EXOC3L2: variants seen among roughly 807,000 people sequenced by gnomAD.
The protein encoded by EXOC3L2 is exocyst complex component 3-like protein 2.
EXOC3L2 carries 17 observed loss-of-function variants against 44.4 expected under a neutral mutation model. That is an observed-to-expected ratio of 0.38 (90% confidence interval 0.26 to 0.57). The LOEUF is 0.57. Among genes scored for constraint, EXOC3L2 ranks in the 20% least tolerant of loss-of-function variants. EXOC3L2 has a pLI of 0.65. For synonymous variants in EXOC3L2, 256 were observed against 253.7 expected (o/e 1.01, Z -0.09); for missense variants, 541 against 588.4 (o/e 0.92, Z 0.83).
chr19:45,222,354 C>T (rs551915510), intron 8 of EXOC3L2, among the ~76,000 whole-genome samples: 1 of 152,234 alleles, frequency 6.6e-6, no homozygotes, highest in African/African-American at 2.4e-5. Context: ...CGCTTGCCAC[C>T]ACGCCTGGCT....
In EXOC3L2 at chr19:45,212,778, G is replaced by C. The variant is rs966307569; in HGVS notation, c.*291C>G. On this transcript the variant is annotated 3_prime_UTR_variant, in exon 12 of 12. Transcript: ENST00000413988. ...CCCAGCTAATTTTTTATTTTTTGTA[G>C]AGATAGGGGGCAGGTCTCACTATGT... 3.1e-6 allele frequency: 1 copy of C among 320,790 alleles called. No homozygotes were observed. Among genetic ancestry groups the C allele is most frequent in the African/African-American group, 2.2e-5 (1 of 46,040 alleles). The allele number at this position is 320,790 out of a possible 1,614,324, so 19.9% of individuals were successfully genotyped here. A position where few individuals can be genotyped will look rare whatever the true frequency, so the allele number is the denominator to read the frequency against.
chr19:45,216,303 T>C, intron 10 of EXOC3L2, 109 bp from the exon 11 acceptor site: 1 of 1,433,726 alleles, frequency 7.0e-7, no homozygotes, highest in Non-Finnish European at 9.3e-7. Context: ...AAACCAGGGG[T>C]GGTGGCTCAA....
intron 8 of EXOC3L2, among the ~76,000 whole-genome samples, chr19:45,219,750 T>C (rs1395420683): frequency 6.6e-6 from 1 of 152,224 alleles, no homozygotes; most frequent in African/African-American, 2.4e-5. Context: ...TTGCTGATTT[T>C]GGGGGGAAGT....
chr19:45,224,247 G>A (rs1017820978), intron 8 of EXOC3L2, among the ~76,000 whole-genome samples: 14 of 152,160 alleles, frequency 9.2e-5, no homozygotes, highest in Admixed American at 8.5e-4. Flanking sequence ...ATTGTGCCGG[G>A]TTGTGGGGGC....
At position 45,231,855 on chromosome 19, in the gene EXOC3L2, C is replaced by T; in HGVS notation, c.1177G>A (p.Asp393Asn). ...VYPREVLGLVDMAALENGELG... is the reference protein window; with the variant it reads ...VYPREVLGLVNMAALENGELG... ...TCCCCATTCTCCAGGGCGGCCATGT[C>T]CACCAGCCCTAGGACCTCTCTGGGG... Residue 393 changes from aspartate to asparagine, a missense_variant, in exon 4 of 12, where the codon GAC becomes AAC. Physicochemically the swap from Asp to Asn is conservative, Grantham distance 23 (BLOSUM62 1). Transcript: ENST00000413988. 6.2e-7 allele frequency: 1 copy of T among 1,607,712 alleles called. No individual in the cohort carries two copies. The highest frequency in any genetic ancestry group is 8.5e-7 in the Non-Finnish European group (1 of 1,174,992).
Position 45,228,181 on chromosome 19 carries a change from G to A in EXOC3L2, c.1355C>T (p.Ala452Val). ...ACCTCCTACCTCACACACATCCTGG[G>A]CCAGGCTGCTGGGCTGGTCCTCCAG... ...GSLEDQPSSL[A>V]QDVCELLEEH... Residue 452 changes from alanine to valine, a missense_variant, in exon 5 of 12, where the codon GCC becomes GTC. By Grantham distance (64) the Ala-to-Val change is moderately conservative. Transcript: ENST00000413988. 6.2e-7 allele frequency: 1 copy of A among 1,614,090 alleles called. No homozygotes were observed. Among genetic ancestry groups the A allele is most frequent in the Non-Finnish European group, 8.5e-7 (1 of 1,180,010 alleles).
Position 45,240,120 on chromosome 19 carries a change from T to C in EXOC3L2, c.-16-1059A>G, listed in dbSNP as rs1485265919. ...AAGCCTAATTTTTTTTTTTTTTTTT[T>C]TTGAGACTGGGACTCACCCTGTCAC... On this transcript the variant is annotated intron_variant, in intron 1 of 11. Transcript: ENST00000413988. 2.0e-5 allele frequency among the ~76,000 whole-genome samples: 3 copies of C among 150,046 alleles called. No individual in the cohort carries two copies. The East Asian group carries it at 5.9e-4, about 30-fold the overall frequency.
chr19:45,237,146 T>C (rs1177281743), intron 2 of EXOC3L2, among the ~76,000 whole-genome samples: 3 of 151,810 alleles, frequency 2.0e-5, no homozygotes, highest in African/African-American at 7.3e-5. Flanking sequence ...GAATGGGATA[T>C]GAAACGGGGC....
chr19:45,213,080 C>A lies in EXOC3L2; in HGVS notation c.2398G>T (p.Ala800Ser). ...CGGTTGGGTGACCCTCAGCGCTGGGCCCGAGGTCGCGCTAGAGACGGAGGC... is the reference window on the plus strand; with the variant it reads ...CGGTTGGGTGACCCTCAGCGCTGGGACCGAGGTCGCGCTAGAGACGGAGGC... The part of the protein sequence containing the change: ...PRPPSLARPR[A>S]QR Residue 800 changes from alanine to serine, a missense_variant, in exon 12 of 12, where the codon GCC becomes TCC. Physicochemically the swap from Ala to Ser is moderately conservative, Grantham distance 99 (BLOSUM62 1). Transcript: ENST00000413988. 1 of 1,501,412 alleles carries A rather than the reference C, an allele frequency of 6.7e-7. No individual in the cohort carries two copies. Among genetic ancestry groups the A allele is most frequent in the African/African-American group, 1.4e-5 (1 of 71,526 alleles). The allele number at this position is 1,501,412 out of a possible 1,614,324, so 93.0% of individuals were successfully genotyped here. A position where few individuals can be genotyped will look rare whatever the true frequency, so the allele number is the denominator to read the frequency against.
intron 11 of EXOC3L2, 121 bp downstream of exon 11, chr19:45,215,952 G>GCCGTCAGACACGCTCACC: frequency 7.2e-7 from 1 of 1,396,616 alleles, no homozygotes; most frequent in East Asian, 2.4e-5. Flanking sequence ...GCAGGAAACG[G>GCCGTCAGACACGCTCACC]CCGTCAGACA....
intron 4 of EXOC3L2, among the ~76,000 whole-genome samples, chr19:45,231,119 T>A (rs1016218693): frequency 2.6e-5 from 4 of 151,900 alleles, no homozygotes; most frequent in Admixed American, 2.0e-4. Context: ...AATCCTCAAT[T>A]TGATGAGTTT....
rs562998838 is a variant in EXOC3L2 at position 45,221,899 on chromosome 19, C to T, written c.1719+2879G>A. Among the ~76,000 whole-genome samples the T allele has an allele frequency of 2.6e-5, 4 of 152,010 alleles. No homozygotes were observed. In the East Asian group the frequency reaches 7.8e-4, roughly 30 times the overall value. ...TCCTGGGCTCAATCGATCCTCCTGC[C>T]TCAGCCTTCAAAAGTGCTGGGATTA... On this transcript the variant is annotated intron_variant, in intron 8 of 11. Coordinates refer to ENST00000413988, the MANE Select transcript of EXOC3L2 (RefSeq NM_001382422.1).
In EXOC3L2 at chr19:45,239,049, G is replaced by A. The variant is rs1004571201; in HGVS notation, c.-4C>T. 2.5e-5 allele frequency: 10 copies of A among 399,010 alleles called. No individual in the cohort carries two copies. The highest frequency in any genetic ancestry group is 2.1e-4 in the African/African-American group (10 of 48,614). The allele number at this position is 399,010 out of a possible 1,614,324, so 24.7% of individuals were successfully genotyped here. A position where few individuals can be genotyped will look rare whatever the true frequency, so the allele number is the denominator to read the frequency against. Reference sequence around the variant, plus strand: ...CCAGATTCTTCAGGATAGGCATTTTGACAGGTGGGGACCTGGGGAAAAAAA... The same window carrying A: ...CCAGATTCTTCAGGATAGGCATTTTAACAGGTGGGGACCTGGGGAAAAAAA... On this transcript the variant is annotated 5_prime_UTR_variant, in exon 2 of 12. Coordinates refer to ENST00000413988, the MANE Select transcript of EXOC3L2 (RefSeq NM_001382422.1).
intron 8 of EXOC3L2, among the ~76,000 whole-genome samples, chr19:45,218,972 C>T (rs117755077): frequency 0.046 from 6,991 of 152,078 alleles, 229 homozygotes; most frequent in Middle Eastern, 0.071. Flanking sequence ...CGCGCAGTGG[C>T]TCACGCCTGT....
chr19:45,218,078 C>G (rs1969856170), intron 9 of EXOC3L2, 119 bp downstream of exon 9: 4 of 1,349,960 alleles, frequency 3.0e-6, no homozygotes, highest in Non-Finnish European at 3.9e-6. Flanking sequence ...GGGGTTTCCT[C>G]CAGCAGGAGC....
Position 45,213,075 on chromosome 19 carries a change from C to A in EXOC3L2, c.2403G>T (p.Gln801His), listed in dbSNP as rs370326702. The change falls in exon 12 of 12, where the codon CAG becomes CAT. Residue 801 changes from glutamine to histidine, a missense_variant. Coordinates refer to ENST00000413988, the MANE Select transcript of EXOC3L2 (RefSeq NM_001382422.1). ...RPPSLARPRA[Q>H]R ...GCCGGCGGTTGGGTGACCCTCAGCG[C>A]TGGGCCCGAGGTCGCGCTAGAGACG... The A allele has an allele frequency of 6.7e-7, 1 of 1,494,894 alleles. No individual in the cohort carries two copies. Among genetic ancestry groups the A allele is most frequent in the Admixed American group, 2.6e-5 (1 of 38,924 alleles). 92.6% of individuals were successfully genotyped at this position (1,494,894 alleles called of 1,614,324 possible).
chr19:45,225,042 A>T, intron 7 of EXOC3L2, 129 bp from the exon 8 acceptor site: 1 of 1,156,526 alleles, frequency 8.6e-7, no homozygotes. Context: ...GAGAAAGGTC[A>T]GGGACTCTGG....
At chr19:45,241,965 G>A (rs1343458285) in intron 1 of EXOC3L2, among the ~76,000 whole-genome samples, 1 of 152,184 alleles carries the variant, frequency 6.6e-6, no homozygotes, top group African/African-American at 2.4e-5. Flanking sequence ...GGGAATGGGT[G>A]CTAAACAGGA....
In EXOC3L2 at chr19:45,212,598, CTTTTT is replaced by C. The variant is rs530736333; in HGVS notation, c.*466_*470del. ...CTCTTTGGCCTCTGTTTCCCCCTAC[CTTTTT>C]TTTTTTTTTTTTTTTTTGAGAAAGG... On this transcript the variant is annotated 3_prime_UTR_variant, in exon 12 of 12. Transcript: ENST00000413988. The C allele has an allele frequency of 7.2e-5, 8 of 111,346 alleles. No individual in the cohort carries two copies. The highest frequency in any genetic ancestry group is 8.6e-5 in the Non-Finnish European group (5 of 58,108). 6.9% of individuals were successfully genotyped at this position (111,346 alleles called of 1,614,324 possible). A position where few individuals can be genotyped will look rare whatever the true frequency, so the allele number is the denominator to read the frequency against.
Sources: allele counts gnomAD v4.1 joint callset (sites outside exome capture counted in the v4.1 genomes callset), GRCh38; gene constraint gnomAD v4.1.1; transcripts MANE v1.5; gene names NCBI Gene and HGNC (gene_info 2026-07-23, HGNC 2026-07-21).